Variants in SMG1 observed in about 807,000 individuals in gnomAD.
SMG1 encodes the protein SMG1 nonsense mediated mRNA decay associated PI3K related kinase.
A neutral mutation model predicts 419.9 loss-of-function variants in SMG1; 22 were observed. That is an observed-to-expected ratio of 0.05 (90% CI 0.04 to 0.07). SMG1 has a LOEUF of 0.07. Among genes scored for constraint, SMG1 ranks in the 10% least tolerant of loss-of-function variants. The pLI is 1.00. For missense variants in SMG1, 3,185 were observed against 4,342.0 expected, an observed-to-expected ratio of 0.73 and a Z score of 7.49; for synonymous variants, 1,538 against 1,553.5, an observed-to-expected ratio of 0.99 and a Z score of 0.23.
chr16:18,811,561 A>C (rs944851501), intron 62 of SMG1, among the ~76,000 whole-genome samples, 200 bp downstream of exon 62: 2 of 152,166 alleles, frequency 1.3e-5, no homozygotes, highest in African/African-American at 4.8e-5. Context: ...GGGGAAAGGA[A>C]AGTGCTCATA....
At chr16:18,850,527 A>G (rs1055625142) in intron 33 of SMG1, 60 bp from the exon 34 acceptor site, 120 of 1,192,544 alleles carry the variant, frequency 1.0e-4, no homozygotes, top group Non-Finnish European at 1.4e-4. Context: ...GGAAAAAGGT[A>G]TGTAATTTGA....
In SMG1 at chr16:18,807,428, G is replaced by A. The variant is rs901974986; in HGVS notation, c.*2141C>T. On this transcript the variant is annotated 3_prime_UTR_variant, in exon 63 of 63. Coordinates refer to ENST00000446231, the MANE Select transcript of SMG1 (RefSeq NM_015092.5). ...TTATTATTCCAGCTAGGTTTTTTGCGAAAATAAGGTTCCAAATGAATGAAG... is the reference window on the plus strand; with the variant it reads ...TTATTATTCCAGCTAGGTTTTTTGCAAAAATAAGGTTCCAAATGAATGAAG... 1 of 152,054 alleles carries A rather than the reference G, an allele frequency of 6.6e-6. No homozygotes were observed. Among genetic ancestry groups the A allele is most frequent in the Non-Finnish European group, 1.5e-5 (1 of 68,006 alleles). 9.4% of individuals were successfully genotyped at this position (152,054 alleles called of 1,614,324 possible). A position where few individuals can be genotyped will look rare whatever the true frequency, so the allele number is the denominator to read the frequency against.
At chr16:18,884,951 A>T (rs868781367) in intron 8 of SMG1, 139 bp downstream of exon 8, 2 of 641,854 alleles carry the variant, frequency 3.1e-6, no homozygotes, top group African/African-American at 1.8e-5. Flanking sequence ...GCTAACAAGT[A>T]ATGTTCATTT....
chr16:18,902,170 G>A (rs542189670), intron 1 of SMG1, among the ~76,000 whole-genome samples: 5 of 152,226 alleles, frequency 3.3e-5, no homozygotes, highest in African/African-American at 1.2e-4. Context: ...TTCCCTGGTA[G>A]GCAATAATTC....
chr16:18,850,405 A>C lies in SMG1; in HGVS notation c.5115T>G (p.Asp1705Glu). ...TTGATATCAACTGACGCCAGATAAC[A>C]TCAACCATGTCATCTTCTTCGTTGT... is the stretch of plus-strand genomic sequence containing the variant. ...SEDNEEDDMV[D>E]VIWRQLISSC... The change falls in exon 34 of 63, where the codon GAT becomes GAG. Residue 1705 changes from aspartate (D) to glutamate (E), a missense_variant. Physicochemically the swap from Asp to Glu is conservative, Grantham distance 45. Coordinates refer to ENST00000446231, the MANE Select transcript of SMG1 (RefSeq NM_015092.5). 1 of 1,613,940 alleles carries C rather than the reference A, an allele frequency of 6.2e-7. No homozygotes were observed. The highest frequency in any genetic ancestry group is 8.5e-7 in the Non-Finnish European group (1 of 1,179,878).
chr16:18,896,943 A>C lies in SMG1; in HGVS notation c.106T>G (p.Ser36Ala). 1 of 1,565,292 alleles carries C rather than the reference A, an allele frequency of 6.4e-7. No homozygotes were observed. The highest frequency in any genetic ancestry group is 1.4e-5 in the African/African-American group (1 of 73,934). Residue 36 changes from serine (S) to alanine (A), a missense_variant, in exon 2 of 63, where the codon TCA becomes GCA. This residue lies in a region of SMG1 where 88 missense variants were observed against 85.9 expected (regional missense o/e 1.02). Transcript: ENST00000446231. ...NDWQPRTDSA[S>A]ADPDNLKYSS... is the part of the protein sequence containing the mutation. ...TATTTTAAATTATCTGGGTCGGCTG[A>C]TGCACTATCAGTTCTATAAAAAGAG...
rs1178350059 is a variant in SMG1, at chr16:18,833,062, A to G, written c.8670T>C (p.Leu2890=). The change falls in exon 51 of 63, where the codon CTT becomes CTC. Residue 2890 remains leucine (L), a synonymous_variant. Coordinates refer to ENST00000446231, the MANE Select transcript of SMG1 (RefSeq NM_015092.5). ...LESMLHELDG[L]IEQTTDGVPL... ...GAACGCCATCGGTGGTCTGCTCAAT[A>G]AGACCGTCCAGTTCATGCAGCATAC... The G allele has an allele frequency of 1.2e-6, 2 of 1,613,960 alleles. No individual in the cohort carries two copies. The highest frequency in any genetic ancestry group is 1.1e-5 in the South Asian group (1 of 91,080).
At chr16:18,873,936 C>G (rs1436703951) in intron 13 of SMG1, among the ~76,000 whole-genome samples, 1 of 152,164 alleles carries the variant, frequency 6.6e-6, no homozygotes, top group Non-Finnish European at 1.5e-5. Flanking sequence ...ATGTGAATTC[C>G]TCAAAAATCA....
chr16:18,819,773 G>A, intron 55 of SMG1, 119 bp from the exon 56 acceptor site: 2 of 1,032,148 alleles, frequency 1.9e-6, no homozygotes, highest in Non-Finnish European at 2.6e-6. Flanking sequence ...ATGTAATTTA[G>A]AAAACAAAAG....
intron 1 of SMG1, among the ~76,000 whole-genome samples, chr16:18,919,633 AAT>A (rs1567466549): frequency 2.1e-5 from 2 of 96,222 alleles, no homozygotes; most frequent in African/African-American, 3.3e-5. Flanking sequence ...CAAAAAAAAA[AAT>A]GTGTGTGTGT....
intron 5 of SMG1, 123 bp from the exon 6 acceptor site, chr16:18,889,708 C>T (rs1023952014): frequency 1.6e-6 from 1 of 618,656 alleles, no homozygotes; most frequent in African/African-American, 1.8e-5. Flanking sequence ...ATTCAAACTA[C>T]ATAAAAGGTT....
chr16:18,887,167 T>C (rs2036645233), intron 6 of SMG1, among the ~76,000 whole-genome samples: 1 of 152,130 alleles, frequency 6.6e-6, no homozygotes, highest in Non-Finnish European at 1.5e-5. Context: ...TATTTACAGG[T>C]ATTTATTTAA....
At position 18,805,810 on chromosome 16, in the gene SMG1, G is replaced by C. The variant is rs137860419; in HGVS notation, c.*3759C>G. The C allele has an allele frequency of 6.6e-6, 1 of 152,292 alleles. No individual in the cohort carries two copies. Among genetic ancestry groups the C allele is most frequent in the Non-Finnish European group, 1.5e-5 (1 of 68,008 alleles). 9.4% of individuals were successfully genotyped at this position (152,292 alleles called of 1,614,324 possible). ...TACAAGCTCAACAAGATAAAAAATT[G>C]AACACTGGTTTTCATACTCTAATTT... On this transcript the variant is annotated 3_prime_UTR_variant, in exon 63 of 63. Coordinates refer to ENST00000446231, the MANE Select transcript of SMG1 (RefSeq NM_015092.5).
intron 33 of SMG1, among the ~76,000 whole-genome samples, chr16:18,851,706 C>A (rs2034610109): frequency 6.6e-6 from 1 of 152,020 alleles, no homozygotes; most frequent in South Asian, 2.1e-4. Context: ...CCACACCCTG[C>A]TAATTTTTGT....
At position 18,849,397 on chromosome 16, in the gene SMG1, G is replaced by T; in HGVS notation, c.5462-19C>A. On this transcript the variant is annotated intron_variant, in intron 35 of 62. Transcript: ENST00000446231. ...ATAATTCCTTCAGGACAAGAAGAGA[G>T]AAAGACACTTTAAAGTTATTTAAAA... 6.3e-7 allele frequency: 1 copy of T among 1,598,448 alleles called. No individual in the cohort carries two copies. Among genetic ancestry groups the T allele is most frequent in the Non-Finnish European group, 8.5e-7 (1 of 1,169,812 alleles).
rs35134931 is a variant in SMG1, at chr16:18,880,721, AG to A, written c.1294-1003del. On this transcript the variant is annotated intron_variant, in intron 10 of 62. Transcript: ENST00000446231. ...CAGAGACCATGTCTCCAAAAAAAAA[AG>A]GGGGGGGGCGCGGAGGGGGAAGCAT... Among the ~76,000 whole-genome samples, 28 of 63,922 alleles carry A rather than the reference AG, an allele frequency of 4.4e-4. 1 individual carries two copies. Among genetic ancestry groups the A allele is most frequent in the South Asian group, 1.4e-3 (2 of 1,432 alleles). 41.9% of individuals were successfully genotyped at this position (63,922 alleles called of 152,430 possible). A position where few individuals can be genotyped will look rare whatever the true frequency, so the allele number is the denominator to read the frequency against.
chr16:18,876,016 C>T (rs2036112332), intron 13 of SMG1, 108 bp downstream of exon 13: 3 of 1,215,620 alleles, frequency 2.5e-6, no homozygotes, highest in Non-Finnish European at 3.6e-6. Flanking sequence ...CTGTTTGTTA[C>T]ACACAGTGAT....
At chr16:18,834,766 T>C (rs769568393) in intron 49 of SMG1, 126 bp downstream of exon 49, 3 of 1,089,808 alleles carry the variant, frequency 2.8e-6, no homozygotes, top group Non-Finnish European at 4.0e-6. Flanking sequence ...CCAAGATAAC[T>C]AAAATCTGAA....
intron 51 of SMG1, among the ~76,000 whole-genome samples, chr16:18,831,931 T>A (rs2033212239): frequency 6.6e-6 from 1 of 151,892 alleles, no homozygotes; most frequent in Admixed American, 6.6e-5. Flanking sequence ...ACTTTTTTCA[T>A]GAAATAATGG....
Sources: gnomAD v4.1 joint callset for allele counts (sites outside exome capture counted in the v4.1 genomes callset) on GRCh38, gnomAD v4.1.1 for gene constraint, gnomAD v4.1.1 regional missense constraint, MANE v1.5 for transcripts, NCBI Gene and HGNC (gene_info 2026-07-23, HGNC 2026-07-21) for gene names.